Variants in IFT56 observed in about 807,000 individuals in gnomAD.
IFT56 encodes intraflagellar transport 56.
chr7:139,159,759 AT>A, the IFT56 span, among the ~76,000 whole-genome samples: 4 of 152,232 alleles, frequency 2.6e-5, no homozygotes, highest in Non-Finnish European at 4.4e-5. Flanking sequence ...AAGTAAAAAA[AT>A]ATGTATGTCA....
chr7:139,191,608 A>C, the IFT56 span: 1 of 152,262 alleles, frequency 6.6e-6, no homozygotes, highest in African/African-American at 2.4e-5. Context: ...ATATTCCAAA[A>C]ATGGCAGAAA....
chr7:139,180,585 C>T, the IFT56 span, among the ~76,000 whole-genome samples: 1 of 151,922 alleles, frequency 6.6e-6, no homozygotes, highest in Non-Finnish European at 1.5e-5. Flanking sequence ...TGGCACACAC[C>T]TATAATTCCA....
chr7:139,140,976 G>T, the IFT56 span, among the ~76,000 whole-genome samples: 1 of 143,878 alleles, frequency 7.0e-6, no homozygotes. Flanking sequence ...AAAAGACAGG[G>T]TCAGCCGGGT....
the IFT56 span, chr7:139,147,084 T>C: frequency 1.0e-5 from 16 of 1,602,142 alleles, no homozygotes; most frequent in Non-Finnish European, 1.4e-5. Context: ...ACATAGATAT[T>C]GATTTCTCTA....
the IFT56 span, among the ~76,000 whole-genome samples, chr7:139,177,036 G>A: frequency 6.6e-6 from 1 of 151,854 alleles, no homozygotes; most frequent in Non-Finnish European, 1.5e-5. Flanking sequence ...ACCAGGTGTG[G>A]TGGTGTGTGC....
chr7:139,175,467 A>G, the IFT56 span, among the ~76,000 whole-genome samples: 5 of 152,170 alleles, frequency 3.3e-5, no homozygotes, highest in African/African-American at 1.2e-4. Context: ...AATTGGAAGC[A>G]CTCTCAGCAT....
chr7:139,147,087 T>A, the IFT56 span: 1 of 1,603,326 alleles, frequency 6.2e-7, no homozygotes, highest in East Asian at 2.2e-5. Context: ...TAGATATTGA[T>A]TTCTCTAACA....
the IFT56 span, among the ~76,000 whole-genome samples, chr7:139,135,755 A>T: frequency 6.6e-6 from 1 of 152,136 alleles, no homozygotes; most frequent in Non-Finnish European, 1.5e-5. Flanking sequence ...GAAGGGTTGC[A>T]CCAAAGAATG....
chr7:139,179,570 G>A, the IFT56 span: 2 of 1,613,490 alleles, frequency 1.2e-6, no homozygotes, highest in Non-Finnish European at 1.7e-6. Context: ...TCCTCTTCTT[G>A]CAGGCGTTCC....
the IFT56 span, among the ~76,000 whole-genome samples, chr7:139,135,841 T>G: frequency 6.6e-6 from 1 of 152,224 alleles, no homozygotes; most frequent in Non-Finnish European, 1.5e-5. Context: ...TCCATATTAC[T>G]CTGAATCTAC....
At chr7:139,148,081 T>G in the IFT56 span, 3 of 780,222 alleles carry the variant, frequency 3.8e-6, no homozygotes, top group Non-Finnish European at 6.1e-6. Flanking sequence ...TGATCATATC[T>G]TGCCCTCTTT....
the IFT56 span, chr7:139,164,987 A>G: frequency 1.9e-6 from 1 of 515,808 alleles, no homozygotes; most frequent in Non-Finnish European, 3.3e-6. Flanking sequence ...AGCCAATAGT[A>G]AAAGTTCTCA....
the IFT56 span, among the ~76,000 whole-genome samples, chr7:139,163,855 C>T: frequency 6.6e-6 from 1 of 152,158 alleles, no homozygotes; most frequent in East Asian, 1.9e-4. Context: ...ACCAAAAAAG[C>T]ACTAAATAGA....
chr7:139,183,316 A>G, the IFT56 span, among the ~76,000 whole-genome samples: 2 of 152,244 alleles, frequency 1.3e-5, no homozygotes, highest in Middle Eastern at 3.2e-3. Flanking sequence ...CATACGACTC[A>G]ACATAAAGTT....
At chr7:139,167,908 T>C in the IFT56 span, among the ~76,000 whole-genome samples, 1 of 147,714 alleles carries the variant, frequency 6.8e-6, no homozygotes, top group Admixed American at 6.8e-5. Flanking sequence ...GCCACTGTAC[T>C]CCAGCCTGGG....
chr7:139,156,366 G>A, the IFT56 span, among the ~76,000 whole-genome samples: 1 of 147,148 alleles, frequency 6.8e-6, no homozygotes, highest in Non-Finnish European at 1.5e-5. Context: ...CCCTTCCTCT[G>A]TTTGCTTTAT....
the IFT56 span, among the ~76,000 whole-genome samples, chr7:139,184,206 C>T: frequency 1.2e-3 from 186 of 152,290 alleles, 1 homozygote; most frequent in Non-Finnish European, 2.0e-3. Flanking sequence ...CAGGCCTTTT[C>T]AGATCTGCTT....
the IFT56 span, among the ~76,000 whole-genome samples, chr7:139,186,077 G>A: frequency 6.6e-6 from 1 of 151,060 alleles, no homozygotes; most frequent in Admixed American, 6.6e-5. Flanking sequence ...GAGTTGCCCA[G>A]CAATTTGAAG....
chr7:139,179,155 G>A, the IFT56 span, among the ~76,000 whole-genome samples: 1 of 152,232 alleles, frequency 6.6e-6, no homozygotes, highest in Non-Finnish European at 1.5e-5. Flanking sequence ...TGAAAAGTGG[G>A]AGGATCACTT....
Sources: allele counts gnomAD v4.1 joint callset (sites outside exome capture counted in the v4.1 genomes callset), GRCh38; gene constraint gnomAD v4.1.1; transcripts MANE v1.5; gene names NCBI Gene and HGNC (gene_info 2026-07-23, HGNC 2026-07-21).